ATP6V1H: variants seen among roughly 807,000 people sequenced by gnomAD.
ATP6V1H encodes the protein ATPase H+ transporting V1 subunit H.
In ATP6V1H, 39 loss-of-function variants were observed where a neutral mutation model predicts 71.7. That is an observed-to-expected ratio of 0.54 (90% CI 0.42 to 0.71). ATP6V1H has a LOEUF of 0.71. ATP6V1H is among the 30% of genes least tolerant of loss of function. ATP6V1H has a pLI of 0.00. For missense variants in ATP6V1H, 509 were observed against 594.9 expected, an observed-to-expected ratio of 0.86 and a Z score of 1.50; for synonymous variants, 192 against 199.3, an observed-to-expected ratio of 0.96 and a Z score of 0.31.
chr8:53,773,452 G>A (rs1036325314), intron 9 of ATP6V1H, among the ~76,000 whole-genome samples: 4 of 152,158 alleles, frequency 2.6e-5, no homozygotes, highest in African/African-American at 9.7e-5. Context: ...AATAGAAGCA[G>A]ACAGAATCTG....
chr8:53,803,864 C>T (rs1281284007), intron 7 of ATP6V1H, among the ~76,000 whole-genome samples: 1 of 152,004 alleles, frequency 6.6e-6, no homozygotes, highest in Non-Finnish European at 1.5e-5. Context: ...GATAACCAAG[C>T]AAGATTTCTA....
At chr8:53,794,325 C>T (rs183312996) in intron 9 of ATP6V1H, among the ~76,000 whole-genome samples, 237 of 152,258 alleles carry the variant, frequency 1.6e-3, no homozygotes, top group South Asian at 5.6e-3. Flanking sequence ...GTGTTATCTA[C>T]ATTAAATTTT....
chr8:53,800,484 GA>G (rs1329594797), intron 8 of ATP6V1H, among the ~76,000 whole-genome samples: 1 of 152,184 alleles, frequency 6.6e-6, no homozygotes, highest in East Asian at 1.9e-4. Flanking sequence ...CAATAATGGT[GA>G]AATGGGTCAA....
chr8:53,743,708 G>A lies in ATP6V1H; in HGVS notation c.1278-18C>T, dbSNP rs553458158. ...CGATGACCCTGCAAACGGGAGAGAC[G>A]TGGTGAGGAAGATGCAATTACTCTC... is the stretch of plus-strand genomic sequence containing the variant. On this transcript the variant is annotated intron_variant, in intron 12 of 13. Transcript: ENST00000359530. 33 of 1,571,526 alleles carry A rather than the reference G, an allele frequency of 2.1e-5. No homozygotes were observed. In the South Asian group the frequency reaches 2.7e-4, roughly 13 times the overall value.
At chr8:53,749,870 C>T (rs1450038559) in intron 12 of ATP6V1H, among the ~76,000 whole-genome samples, 1 of 152,036 alleles carries the variant, frequency 6.6e-6, no homozygotes, top group Non-Finnish European at 1.5e-5. Flanking sequence ...TTAAGTCATA[C>T]ATGCAGAGGG....
intron 5 of ATP6V1H, among the ~76,000 whole-genome samples, chr8:53,815,253 A>G (rs1233244889): frequency 6.6e-6 from 1 of 152,168 alleles, no homozygotes; most frequent in Non-Finnish European, 1.5e-5. Flanking sequence ...CTCCCAACAT[A>G]AACAAATATC....
Position 53,756,664 on chromosome 8 carries a change from A to G in ATP6V1H, c.1176-8T>C. On this transcript the variant is annotated splice_region_variant and splice_polypyrimidine_tract_variant and intron_variant, in intron 11 of 13. Coordinates refer to ENST00000359530, the MANE Select transcript of ATP6V1H (RefSeq NM_015941.4). The stretch of plus-strand genomic sequence containing the variant: ...AAAAGTTTTGTCAAGATTCTGAAAT[A>G]AATTTTATCCAAAGAGAGATCAAGT... 1.2e-6 allele frequency: 2 copies of G among 1,603,154 alleles called. No homozygotes were observed. Among genetic ancestry groups the G allele is most frequent in the Non-Finnish European group, 1.7e-6 (2 of 1,170,794 alleles).
intron 13 of ATP6V1H, among the ~76,000 whole-genome samples, chr8:53,738,801 A>T (rs1220481085): frequency 6.6e-6 from 1 of 152,232 alleles, no homozygotes; most frequent in Non-Finnish European, 1.5e-5. Context: ...CATACTGTCC[A>T]GAAAAGTTAA....
At position 53,837,156 on chromosome 8, in the gene ATP6V1H, G is replaced by A. The variant is rs868632859; in HGVS notation, c.114-4070C>T. Among the ~76,000 whole-genome samples, 340 of 151,394 alleles carry A rather than the reference G, an allele frequency of 2.2e-3. 3 individuals carry two copies. Among genetic ancestry groups the A allele is most frequent in the African/African-American group, 7.8e-3 (323 of 41,188 alleles). ...AACTCCATCTCATAAAAAAAAAAAA[G>A]AGAGAGTGAATAGGATAGAAAAACC... On this transcript the variant is annotated intron_variant, in intron 2 of 13. Transcript: ENST00000359530.
chr8:53,811,842 A>G (rs1220202850), intron 6 of ATP6V1H, among the ~76,000 whole-genome samples: 1 of 152,146 alleles, frequency 6.6e-6, no homozygotes, highest in African/African-American at 2.4e-5. Flanking sequence ...AGTCCCCACA[A>G]CCCAAGTGCA....
In ATP6V1H at chr8:53,762,060, A is replaced by G. The variant is rs182776692; in HGVS notation, c.1176-5404T>C. ...CTCAAACTTTGCTGCCTCATATGACAACCATTAGCCACATGTGGTTTGTTT... is the reference window on the plus strand; with the variant it reads ...CTCAAACTTTGCTGCCTCATATGACGACCATTAGCCACATGTGGTTTGTTT... On this transcript the variant is annotated intron_variant, in intron 11 of 13. Transcript: ENST00000359530. 2.2e-3 allele frequency among the ~76,000 whole-genome samples: 336 copies of G among 152,336 alleles called. 2 individuals are homozygous for G. Among genetic ancestry groups the G allele is most frequent in the African/African-American group, 7.8e-3 (325 of 41,576 alleles).
intron 2 of ATP6V1H, among the ~76,000 whole-genome samples, chr8:53,840,484 T>C (rs1465792351): frequency 3.4e-5 from 5 of 147,496 alleles, no homozygotes; most frequent in Non-Finnish European, 7.4e-5. Flanking sequence ...GGCAACAGAG[T>C]GAGACTCTGT....
At chr8:53,811,363 A>G (rs1220266384) in intron 6 of ATP6V1H, 146 bp from the exon 7 acceptor site, 6 of 610,890 alleles carry the variant, frequency 9.8e-6, no homozygotes, top group Admixed American at 3.0e-5. Flanking sequence ...CCTACTAAAT[A>G]AAAAGCAAGG....
intron 4 of ATP6V1H, among the ~76,000 whole-genome samples, chr8:53,820,321 C>A (rs1274804178): frequency 2.0e-5 from 3 of 151,438 alleles, no homozygotes; most frequent in African/African-American, 7.3e-5. Context: ...GAAGAAGCAT[C>A]TTTAGGAGAT....
Position 53,820,854 on chromosome 8 carries a change from C to T in ATP6V1H, c.307-3324G>A, listed in dbSNP as rs531146332. 3.4e-4 allele frequency among the ~76,000 whole-genome samples: 52 copies of T among 151,542 alleles called. 1 individual carries two copies. The highest frequency in any genetic ancestry group is 1.1e-3 in the African/African-American group (47 of 41,366). ...AAAATTAGCCAGGCGTGGTAGCACA[C>T]GCTTGTAATCCCACTACTCAGGAGG... On this transcript the variant is annotated intron_variant, in intron 4 of 13. Coordinates refer to ENST00000359530, the MANE Select transcript of ATP6V1H (RefSeq NM_015941.4).
chr8:53,828,892 ACT>A (rs1810906242), intron 4 of ATP6V1H, among the ~76,000 whole-genome samples: 1 of 152,102 alleles, frequency 6.6e-6, no homozygotes, highest in Admixed American at 6.5e-5. Context: ...CCTAGATTAT[ACT>A]CTAGTGTAAA....
chr8:53,753,892 G>C (rs1042717218), intron 12 of ATP6V1H, among the ~76,000 whole-genome samples: 1 of 152,158 alleles, frequency 6.6e-6, no homozygotes, highest in Admixed American at 6.5e-5. Flanking sequence ...GCCTGCCACA[G>C]TTTCATGGAT....
Position 53,715,778 on chromosome 8 carries a change from C to A in ATP6V1H, c.*186G>T. On this transcript the variant is annotated 3_prime_UTR_variant, in exon 14 of 14. Transcript: ENST00000359530. ...ATATTTTCTTTAAATACAGAATCAC[C>A]TACTTTTATACAACTTAACAGGCAA... 1 of 479,346 alleles carries A rather than the reference C, an allele frequency of 2.1e-6. No individual in the cohort carries two copies. Among genetic ancestry groups the A allele is most frequent in the Non-Finnish European group, 3.7e-6 (1 of 267,336 alleles). 29.7% of individuals were successfully genotyped at this position (479,346 alleles called of 1,614,324 possible). A position where few individuals can be genotyped will look rare whatever the true frequency, so the allele number is the denominator to read the frequency against.
At chr8:53,819,200 T>C (rs1810551530) in intron 4 of ATP6V1H, among the ~76,000 whole-genome samples, 1 of 151,982 alleles carries the variant, frequency 6.6e-6, no homozygotes, top group South Asian at 2.1e-4. Flanking sequence ...AGCAAGACCC[T>C]GTCTCAAGAA....
Sources: allele counts gnomAD v4.1 joint callset (sites outside exome capture counted in the v4.1 genomes callset), GRCh38; gene constraint gnomAD v4.1.1; transcripts MANE v1.5; gene names NCBI Gene and HGNC (gene_info 2026-07-23, HGNC 2026-07-21).